The following USP15 variants were observed in gnomAD, a reference collection of about 807,000 sequenced individuals.
The protein encoded by USP15 is ubiquitin carboxyl-terminal hydrolase 15.
In USP15, 18 loss-of-function variants were observed where a neutral mutation model predicts 127.1. The ratio of observed to expected loss-of-function variants is 0.14; its 90% CI spans 0.10 to 0.21. The LOEUF is 0.21. USP15 is among the 10% of genes least tolerant of loss of function. The pLI is 1.00. For synonymous variants in USP15, 364 were observed against 393.7 expected (o/e 0.92, Z 0.89); for missense variants, 805 against 1,159.9 (o/e 0.69, Z 4.44).
At chr12:62,393,807 C>G (rs571540617) in intron 19 of USP15, 2 of 152,310 alleles carry the variant, frequency 1.3e-5, no homozygotes, top group Non-Finnish European at 2.9e-5. Flanking sequence ...GTCTCGAACT[C>G]CTGACCTCAA....
intron 6 of USP15, among the ~76,000 whole-genome samples, chr12:62,330,101 A>G (rs1252244356): frequency 2.0e-5 from 3 of 152,346 alleles, no homozygotes; most frequent in Middle Eastern, 3.4e-3. Flanking sequence ...GTTGAGAGAA[A>G]GAAACAATGA....
intron 4 of USP15, among the ~76,000 whole-genome samples, chr12:62,316,283 CA>C (rs146374195): frequency 0.16 from 13,706 of 85,046 alleles, 697 homozygotes; most frequent in Non-Finnish European, 0.22. Flanking sequence ...GACTTTATCT[CA>C]AAAAAAAAAA....
chr12:62,370,211 A>T (rs918482102), intron 8 of USP15, among the ~76,000 whole-genome samples: 7 of 152,150 alleles, frequency 4.6e-5, no homozygotes, highest in African/African-American at 1.7e-4. Flanking sequence ...GATTACAGGC[A>T]TGAGCCACCA....
At chr12:62,272,536 CTG>C (rs1326374257) in intron 1 of USP15, among the ~76,000 whole-genome samples, 7 of 151,968 alleles carry the variant, frequency 4.6e-5, no homozygotes, top group Non-Finnish European at 1.5e-5. Context: ...CTTTTATACT[CTG>C]TTGTATCTGG....
chr12:62,387,813 A>G lies in USP15; in HGVS notation c.1474-1618A>G, dbSNP rs188370124. On this transcript the variant is annotated intron_variant, in intron 11 of 21. Coordinates refer to ENST00000280377, the MANE Select transcript of USP15 (RefSeq NM_001252078.2). ...GTTTTTTGAGAGACTTTATATTCCA[A>G]TGCTTATGCAAGAGTTGAGATAAAA... is the stretch of plus-strand genomic sequence containing the variant. Among the ~76,000 whole-genome samples, 32 of 152,294 alleles carry G rather than the reference A, an allele frequency of 2.1e-4. 1 individual carries two copies. Among genetic ancestry groups the G allele is most frequent in the Admixed American group, 6.5e-4 (10 of 15,288 alleles).
intron 8 of USP15, among the ~76,000 whole-genome samples, chr12:62,365,985 A>G (rs894172532): frequency 2.6e-5 from 4 of 152,156 alleles, no homozygotes; most frequent in African/African-American, 4.8e-5. Context: ...GTCAGGTAAC[A>G]TGATGCCTTC....
intron 2 of USP15, among the ~76,000 whole-genome samples, chr12:62,298,045 G>A (rs2064188196): frequency 6.6e-6 from 1 of 152,142 alleles, no homozygotes; most frequent in Non-Finnish European, 1.5e-5. Context: ...AGCAGACTTG[G>A]ACAAGTAGAT....
chr12:62,271,683 A>G (rs1358035137), intron 1 of USP15, among the ~76,000 whole-genome samples: 3 of 151,818 alleles, frequency 2.0e-5, no homozygotes, highest in Admixed American at 6.6e-5. Flanking sequence ...TGCTTCATAT[A>G]TGCTTATCAC....
chr12:62,321,689 A>G (rs2064988337), intron 5 of USP15, 80 bp downstream of exon 5: 1 of 1,195,344 alleles, frequency 8.4e-7, no homozygotes, highest in Non-Finnish European at 1.1e-6. Flanking sequence ...CTGGCAATAT[A>G]TAATGGGCTG....
chr12:62,327,582 G>T, intron 6 of USP15: 1 of 397,654 alleles, frequency 2.5e-6, no homozygotes. Flanking sequence ...TCTAAAGATT[G>T]AGAAATCTTT....
At chr12:62,346,814 T>C (rs1257429312) in intron 6 of USP15, among the ~76,000 whole-genome samples, 1 of 152,228 alleles carries the variant, frequency 6.6e-6, no homozygotes, top group Non-Finnish European at 1.5e-5. Context: ...GTAACCTCTG[T>C]TCCTGTCAGT....
rs142445754 is a variant in USP15, at chr12:62,412,420, C to G, written c.*8045C>G. 2 of 152,372 alleles carry G rather than the reference C, an allele frequency of 1.3e-5. No individual in the cohort carries two copies. The highest frequency in any genetic ancestry group is 3.9e-4 in the East Asian group (2 of 5,188). 9.4% of individuals were successfully genotyped at this position (152,372 alleles called of 1,614,324 possible). A position where few individuals can be genotyped will look rare whatever the true frequency, so the allele number is the denominator to read the frequency against. ...ACTCTTCCTTTTACAAGAGATTTCT[C>G]TGGCATGCAGTGCTATTTGATAATA... On this transcript the variant is annotated 3_prime_UTR_variant, in exon 22 of 22. Coordinates refer to ENST00000280377, the MANE Select transcript of USP15 (RefSeq NM_001252078.2).
chr12:62,359,254 A>G (rs2137465910), intron 8 of USP15, among the ~76,000 whole-genome samples: 1 of 151,640 alleles, frequency 6.6e-6, no homozygotes, highest in South Asian at 2.1e-4. Flanking sequence ...AAAAAAAAAA[A>G]AGAAACACAT....
At chr12:62,390,641 A>T (rs2067295611) in intron 14 of USP15, among the ~76,000 whole-genome samples, 2 of 152,166 alleles carry the variant, frequency 1.3e-5, no homozygotes, top group African/African-American at 4.8e-5. Context: ...AACATTTAAC[A>T]TTTAACCTAA....
At chr12:62,330,439 A>G (rs112485176) in intron 6 of USP15, among the ~76,000 whole-genome samples, 15,989 of 151,752 alleles carry the variant, frequency 0.11, 891 homozygotes, top group Middle Eastern at 0.17. Flanking sequence ...AAATACAAAA[A>G]TTAGGCATGG....
At chr12:62,298,693 G>A (rs7973386) in intron 2 of USP15, among the ~76,000 whole-genome samples, 9,722 of 151,754 alleles carry the variant, frequency 0.064, 400 homozygotes, top group Middle Eastern at 0.095. Context: ...ATATGTGGGT[G>A]GTGGCATACA....
chr12:62,289,675 G>T (rs2063896296), intron 1 of USP15, among the ~76,000 whole-genome samples: 1 of 133,572 alleles, frequency 7.5e-6, no homozygotes, highest in African/African-American at 2.9e-5. Context: ...TGTTTCATTG[G>T]GTGTGACATT....
chr12:62,413,241 G>A lies in USP15; in HGVS notation c.*8866G>A, dbSNP rs2068079499. On this transcript the variant is annotated 3_prime_UTR_variant, in exon 22 of 22. Transcript: ENST00000280377. Reference sequence around the variant, plus strand: ...GATGTGCTACCATCCAGGCTTTATGGTTCCTTTTATAGAGCAAAAACATTA... The same window carrying A: ...GATGTGCTACCATCCAGGCTTTATGATTCCTTTTATAGAGCAAAAACATTA... 1 of 152,142 alleles carries A rather than the reference G, an allele frequency of 6.6e-6. No individual in the cohort carries two copies. The highest frequency in any genetic ancestry group is 1.5e-5 in the Non-Finnish European group (1 of 68,030). 9.4% of individuals were successfully genotyped at this position (152,142 alleles called of 1,614,324 possible).
chr12:62,374,722 G>C (rs780714779), intron 8 of USP15, among the ~76,000 whole-genome samples: 2 of 152,042 alleles, frequency 1.3e-5, no homozygotes, highest in Non-Finnish European at 2.9e-5. Flanking sequence ...ACATGCAGCA[G>C]TTATATTTTT....
Sources: allele counts gnomAD v4.1 joint callset (sites outside exome capture counted in the v4.1 genomes callset), GRCh38; gene constraint gnomAD v4.1.1; transcripts MANE v1.5; gene names NCBI Gene and HGNC (gene_info 2026-07-23, HGNC 2026-07-21).